The following ACSM4 variants were observed in gnomAD, a reference collection of about 807,000 sequenced individuals.
ACSM4 encodes the protein acyl-coenzyme A synthetase ACSM4, mitochondrial.
A neutral mutation model predicts 73.0 loss-of-function variants in ACSM4; 66 were observed. The ratio of observed to expected loss-of-function variants is 0.90; its 90% CI spans 0.74 to 1.11. ACSM4 has a LOEUF of 1.11. Among genes scored for constraint, ACSM4 ranks in the 50% least tolerant of loss-of-function variants. ACSM4 has a pLI of 0.00. For missense variants in ACSM4, 645 were observed against 714.4 expected, an observed-to-expected ratio of 0.90 and a Z score of 1.11; for synonymous variants, 222 against 254.0, an observed-to-expected ratio of 0.87 and a Z score of 1.20.
At chr12:7,324,636 T>G (rs1946490407) in intron 11 of ACSM4, 38 bp downstream of exon 11, 2 of 1,601,380 alleles carry the variant, frequency 1.2e-6, no homozygotes, top group Non-Finnish European at 1.7e-6. Context: ...CAACATCATA[T>G]TTTCAAGTTC....
intron 2 of ACSM4, among the ~76,000 whole-genome samples, chr12:7,310,246 G>A (rs1361282852): frequency 6.6e-6 from 1 of 152,178 alleles, no homozygotes; most frequent in Non-Finnish European, 1.5e-5. Context: ...GACACTTACT[G>A]TTGTTATTCC....
At chr12:7,314,564 G>C (rs752488732) in intron 3 of ACSM4, among the ~76,000 whole-genome samples, 1 of 152,022 alleles carries the variant, frequency 6.6e-6, no homozygotes, top group African/African-American at 2.4e-5. Flanking sequence ...GTAGATAGGT[G>C]GATGGATGAA....
chr12:7,320,923 T>C, intron 6 of ACSM4, 119 bp downstream of exon 6: 1 of 866,612 alleles, frequency 1.2e-6, no homozygotes, highest in Admixed American at 2.1e-5. Flanking sequence ...CACTGACATT[T>C]TGAACCGAAT....
intron 3 of ACSM4, among the ~76,000 whole-genome samples, chr12:7,314,444 A>G (rs1041415613): frequency 4.6e-5 from 7 of 152,226 alleles, no homozygotes; most frequent in African/African-American, 1.4e-4. Context: ...AGATAATGGA[A>G]TCACTGCTTG....
intron 7 of ACSM4, 64 bp from the exon 8 acceptor site, chr12:7,323,170 T>C (rs1406790967): frequency 1.1e-5 from 16 of 1,415,974 alleles, no homozygotes; most frequent in Non-Finnish European, 1.5e-5. Context: ...TAATTTTCAT[T>C]GCCATGATAT....
At chr12:7,312,653 T>C (rs779271451) in intron 3 of ACSM4, among the ~76,000 whole-genome samples, 1 of 152,306 alleles carries the variant, frequency 6.6e-6, no homozygotes, top group East Asian at 1.9e-4. Context: ...TGAGGTAACA[T>C]TGCTGAAACT....
chr12:7,320,003 G>A (rs764798132), intron 5 of ACSM4, among the ~76,000 whole-genome samples: 7 of 152,166 alleles, frequency 4.6e-5, no homozygotes, highest in Non-Finnish European at 8.8e-5. Flanking sequence ...CTTACTTACC[G>A]ATCAAACATC....
intron 9 of ACSM4, 47 bp downstream of exon 9, chr12:7,323,607 C>A: frequency 6.6e-7 from 1 of 1,517,952 alleles, no homozygotes; most frequent in East Asian, 2.3e-5. Flanking sequence ...GACTTGGGTT[C>A]AAATTTCATT....
At chr12:7,309,432 C>G (rs1946378249) in intron 2 of ACSM4, among the ~76,000 whole-genome samples, 1 of 152,262 alleles carries the variant, frequency 6.6e-6, no homozygotes, top group South Asian at 2.1e-4. Context: ...ACACATCTTC[C>G]CATCTGGGTA....
chr12:7,304,168 G>T lies in ACSM4; in HGVS notation c.-164G>T. On this transcript the variant is annotated 5_prime_UTR_variant, in exon 1 of 13. The change abolishes an upstream ATG in the 5' untranslated region. Coordinates refer to ENST00000399422, the MANE Select transcript of ACSM4 (RefSeq NM_001080454.2). The stretch of plus-strand genomic sequence containing the variant: ...TAAGGCAGCAGCTCTGAGGAAGGAT[G>T]AGGTGTTTTTCAGGTGTTCCCCAAC... 1.5e-6 allele frequency: 1 copy of T among 679,098 alleles called. No individual in the cohort carries two copies. 42.1% of individuals were successfully genotyped at this position (679,098 alleles called of 1,614,324 possible). A position where few individuals can be genotyped will look rare whatever the true frequency, so the allele number is the denominator to read the frequency against.
At chr12:7,306,766 T>G (rs768476501) in intron 2 of ACSM4, 23 bp downstream of exon 2, 2 of 1,575,562 alleles carry the variant, frequency 1.3e-6, no homozygotes. Context: ...ATTAGCATTC[T>G]AAATCACACA....
chr12:7,310,857 C>T (rs1946386794), intron 3 of ACSM4, 111 bp downstream of exon 3: 1 of 1,147,012 alleles, frequency 8.7e-7, no homozygotes, highest in East Asian at 2.6e-5. Context: ...TTGATCTGGG[C>T]TCTTACTCAG....
intron 5 of ACSM4, among the ~76,000 whole-genome samples, chr12:7,319,211 C>A (rs552539715): frequency 9.9e-5 from 15 of 152,234 alleles, no homozygotes; most frequent in African/African-American, 3.6e-4. Context: ...CCCTCACATG[C>A]ACAGTTCACA....
At chr12:7,317,327 G>T in intron 4 of ACSM4, 47 bp downstream of exon 4, 1 of 1,512,082 alleles carries the variant, frequency 6.6e-7, no homozygotes, top group Non-Finnish European at 8.9e-7. Flanking sequence ...CCCCAAAGCT[G>T]CGAATATGCG....
chr12:7,326,966 T>G lies in ACSM4; in HGVS notation c.1537-10T>G. 1 of 1,588,632 alleles carries G rather than the reference T, an allele frequency of 6.3e-7. No individual in the cohort carries two copies. The highest frequency in any genetic ancestry group is 8.5e-7 in the Non-Finnish European group (1 of 1,170,686). On this transcript the variant is annotated splice_polypyrimidine_tract_variant and intron_variant, in intron 11 of 12. Transcript: ENST00000399422. Reference sequence around the variant, plus strand: ...CAAATGAGCAAGATAAATTAACTTTTCTGTTGCAGGTGGTGAAAGCTTTTG... The same window carrying G: ...CAAATGAGCAAGATAAATTAACTTTGCTGTTGCAGGTGGTGAAAGCTTTTG...
intron 9 of ACSM4, 73 bp from the exon 10 acceptor site, chr12:7,324,200 A>G (rs1225860448): frequency 3.9e-6 from 6 of 1,550,836 alleles, no homozygotes; most frequent in African/African-American, 1.4e-5. Context: ...GTAATGTACT[A>G]GTCACTTAAT....
intron 3 of ACSM4, among the ~76,000 whole-genome samples, chr12:7,314,249 A>G (rs1040668144): frequency 1.3e-5 from 2 of 152,188 alleles, no homozygotes; most frequent in African/African-American, 4.8e-5. Context: ...GGTTAACATA[A>G]TAAGTTTAGA....
In ACSM4 at chr12:7,310,600, A is replaced by T; in HGVS notation, c.474A>T (p.Arg158=). ...CAAAAGACATCCTCTACCGGCTGCGAGCATCCAAGGCCAAGTGCATTGTGG... is the reference window on the plus strand; with the variant it reads ...CAAAAGACATCCTCTACCGGCTGCGTGCATCCAAGGCCAAGTGCATTGTGG... The part of the protein sequence containing the change: ...LTAKDILYRL[R]ASKAKCIVAS... The change falls in exon 3 of 13, where the codon CGA becomes CGT. Residue 158 remains arginine, a synonymous_variant. Coordinates refer to ENST00000399422, the MANE Select transcript of ACSM4 (RefSeq NM_001080454.2). 6.2e-7 allele frequency: 1 copy of T among 1,612,854 alleles called. No individual in the cohort carries two copies. The highest frequency in any genetic ancestry group is 8.5e-7 in the Non-Finnish European group (1 of 1,179,560).
At chr12:7,327,457 A>C (rs1230480505) in intron 12 of ACSM4, among the ~76,000 whole-genome samples, 1 of 152,190 alleles carries the variant, frequency 6.6e-6, no homozygotes, top group East Asian at 1.9e-4. Context: ...TACCCCTATA[A>C]ATTCAAAGTA....
Sources: gnomAD v4.1 joint callset for allele counts (sites outside exome capture counted in the v4.1 genomes callset) on GRCh38, gnomAD v4.1.1 for gene constraint, MANE v1.5 for transcripts, NCBI Gene and HGNC (gene_info 2026-07-23, HGNC 2026-07-21) for gene names.